The following PDK3 variants were observed in gnomAD, a reference collection of about 807,000 sequenced individuals.
PDK3 encodes the protein pyruvate dehydrogenase kinase 3.
A neutral mutation model predicts 32.0 loss-of-function variants in PDK3; 12 were observed. The observed-to-expected ratio is 0.37, with a 90% CI of 0.24 to 0.61. The LOEUF is 0.61. PDK3 is among the 20% of genes least tolerant of loss of function. The pLI is 0.65. For missense variants in PDK3, 188 were observed against 316.9 expected, an observed-to-expected ratio of 0.59 and a Z score of 3.09; for synonymous variants, 122 against 116.3, an observed-to-expected ratio of 1.05 and a Z score of -0.31.
intron 1 of PDK3, among the ~76,000 whole-genome samples, chrX:24,471,471 A>G (rs971589244): frequency 8.9e-6 from 1 of 112,033 alleles, no homozygotes; most frequent in Non-Finnish European, 1.9e-5. Context: ...ATTATTCTCT[A>G]ATTTATTGAT....
chrX:24,495,112 T>C (rs980429135), intron 2 of PDK3, among the ~76,000 whole-genome samples: 4 of 112,557 alleles, frequency 3.6e-5, no homozygotes, highest in African/African-American at 1.3e-4. Context: ...CTAGACACTT[T>C]CCTGAGTTTT....
chrX:24,537,282 A>ATTTT (rs1167543267), downstream of PDK3, among the ~76,000 whole-genome samples: 1 of 65,684 alleles, frequency 1.5e-5, no homozygotes, highest in Non-Finnish European at 2.8e-5. Flanking sequence ...ACGCCTGGCT[A>ATTTT]TTTTTTTTTT....
intron 5 of PDK3, among the ~76,000 whole-genome samples, chrX:24,510,750 A>T (rs1922097336): frequency 8.9e-6 from 1 of 111,887 alleles, no homozygotes; most frequent in African/African-American, 3.2e-5. Flanking sequence ...CATTATCTGT[A>T]TATTTAAATG....
At chrX:24,471,783 C>T (rs769125865) in intron 1 of PDK3, among the ~76,000 whole-genome samples, 1 of 112,171 alleles carries the variant, frequency 8.9e-6, no homozygotes, top group African/African-American at 3.2e-5. Context: ...GTGAGATATA[C>T]CCATTAGCAT....
intron 9 of PDK3, among the ~76,000 whole-genome samples, chrX:24,530,126 C>T (rs768600673): frequency 1.8e-5 from 2 of 111,832 alleles, no homozygotes; most frequent in Non-Finnish European, 3.8e-5. Flanking sequence ...GGCAGATTTG[C>T]TCACATCTCT....
chrX:24,482,258 T>C (rs1224967469), intron 1 of PDK3, among the ~76,000 whole-genome samples: 1 of 111,848 alleles, frequency 8.9e-6, no homozygotes, highest in Non-Finnish European at 1.9e-5. Flanking sequence ...TCGTCCAGGC[T>C]GGAGTGCGTG....
chrX:24,471,100 T>C (rs1372204566), intron 1 of PDK3, among the ~76,000 whole-genome samples: 2 of 110,996 alleles, frequency 1.8e-5, no homozygotes, highest in Non-Finnish European at 3.8e-5. Context: ...AAATACCTAA[T>C]GTAGATGACA....
downstream of PDK3, among the ~76,000 whole-genome samples, chrX:24,537,117 C>G (rs868243675): frequency 1.2e-5 from 1 of 82,735 alleles, no homozygotes; most frequent in African/African-American, 4.6e-5. Context: ...CTTTTCTTTT[C>G]TTTTTTTTTT....
intron 3 of PDK3, among the ~76,000 whole-genome samples, chrX:24,502,484 T>C (rs1166993886): frequency 8.9e-6 from 1 of 112,209 alleles, no homozygotes; most frequent in African/African-American, 3.2e-5. Context: ...ATATTTACAA[T>C]AAGATGCCAG....
At chrX:24,530,422 TTATAC>T in intron 9 of PDK3, among the ~76,000 whole-genome samples, 1 of 111,897 alleles carries the variant, frequency 8.9e-6, no homozygotes, top group African/African-American at 3.3e-5. Context: ...TGCCAAGATT[TTATAC>T]TTGTTATATT....
At position 24,518,837 on chromosome X, in the gene PDK3, GCACACACACACA is replaced by G. The variant is rs3222401; in HGVS notation, c.596-64_596-53del. On this transcript the variant is annotated intron_variant, in intron 5 of 10. Coordinates refer to ENST00000379162, the MANE Select transcript of PDK3 (RefSeq NM_005391.5). ...CCTATAGATATATACATGCACATGT[GCACACACACACA>G]CACACACACACACACACACACACAC... is the stretch of plus-strand genomic sequence containing the variant. The G allele has an allele frequency of 0.021, 7,449 of 362,790 alleles. 41 individuals carry two copies. The highest frequency in any genetic ancestry group is 0.062 in the African/African-American group (2,164 of 34,656). The allele number at this position is 362,790 out of a possible 1,213,427, so 29.9% of individuals were successfully genotyped here. A position where few individuals can be genotyped will look rare whatever the true frequency, so the allele number is the denominator to read the frequency against.
intron 1 of PDK3, among the ~76,000 whole-genome samples, chrX:24,482,250 G>A (rs188445645): frequency 6.1e-4 from 68 of 111,603 alleles, no homozygotes; most frequent in African/African-American, 2.0e-3. Context: ...TTCCTCTGTC[G>A]TCCAGGCTGG....
intron 1 of PDK3, among the ~76,000 whole-genome samples, chrX:24,488,215 C>T (rs962489228): frequency 3.6e-5 from 4 of 111,175 alleles, no homozygotes; most frequent in African/African-American, 9.8e-5. Context: ...TGGCTACCTC[C>T]TGGTCCCACC....
At chrX:24,485,751 C>T (rs941780477) in intron 1 of PDK3, among the ~76,000 whole-genome samples, 4 of 111,604 alleles carry the variant, frequency 3.6e-5, no homozygotes, top group African/African-American at 1.3e-4. Flanking sequence ...TATTAGCGCC[C>T]ACTGAAAAGC....
At chrX:24,476,574 A>G (rs1475361256) in intron 1 of PDK3, among the ~76,000 whole-genome samples, 1 of 111,381 alleles carries the variant, frequency 9.0e-6, no homozygotes, top group Non-Finnish European at 1.9e-5. Context: ...GCGGAAGTAC[A>G]GAGTGCCCAC....
intron 2 of PDK3, among the ~76,000 whole-genome samples, chrX:24,498,253 C>T (rs1421710684): frequency 9.0e-6 from 1 of 111,400 alleles, no homozygotes; most frequent in Non-Finnish European, 1.9e-5. Flanking sequence ...AAAATGCAAC[C>T]GAACCTGGCT....
chrX:24,519,266 G>A (rs1487997868), intron 6 of PDK3, among the ~76,000 whole-genome samples: 1 of 110,834 alleles, frequency 9.0e-6, no homozygotes, highest in Admixed American at 9.7e-5. Context: ...GGTATAAATA[G>A]GCCCTTCTCA....
intron 1 of PDK3, among the ~76,000 whole-genome samples, chrX:24,474,499 C>T (rs936187279): frequency 4.6e-5 from 5 of 109,479 alleles, no homozygotes; most frequent in Admixed American, 9.9e-5. Flanking sequence ...CTGCAACCTC[C>T]GCCTCCCAGG....
intron 1 of PDK3, among the ~76,000 whole-genome samples, chrX:24,478,375 G>A (rs1164558164): frequency 2.7e-5 from 3 of 111,970 alleles, no homozygotes; most frequent in Admixed American, 1.9e-4. Flanking sequence ...CAGGAGAATC[G>A]TTTGAACCTG....
Sources: gnomAD v4.1 joint callset for allele counts (sites outside exome capture counted in the v4.1 genomes callset) on GRCh38, gnomAD v4.1.1 for gene constraint, MANE v1.5 for transcripts, NCBI Gene and HGNC (gene_info 2026-07-23, HGNC 2026-07-21) for gene names.